Variants in ZDHHC17 observed in about 807,000 individuals in gnomAD.
The protein encoded by ZDHHC17 is zDHHC palmitoyltransferase 17.
Under a neutral mutation model 90.3 loss-of-function variants are expected in ZDHHC17, and 40 were observed. The observed-to-expected ratio is 0.44, with a 90% CI of 0.34 to 0.58. ZDHHC17 has a LOEUF of 0.58. Ranked by LOEUF, ZDHHC17 falls within the 20% of genes least tolerant of loss-of-function variation. The pLI is 0.01. For synonymous variants in ZDHHC17, 235 were observed against 252.4 expected, an observed-to-expected ratio of 0.93 and a Z score of 0.65; for missense variants, 614 against 780.8, an observed-to-expected ratio of 0.79 and a Z score of 2.55.
chr12:76,843,230 G>T (rs375325688), intron 12 of ZDHHC17, among the ~76,000 whole-genome samples: 3 of 151,972 alleles, frequency 2.0e-5, no homozygotes, highest in African/African-American at 4.8e-5. Flanking sequence ...CTCTTTTCTC[G>T]CTTAAAATGT....
intron 1 of ZDHHC17, among the ~76,000 whole-genome samples, chr12:76,774,551 A>C (rs1312887060): frequency 6.6e-6 from 1 of 152,116 alleles, no homozygotes; most frequent in Non-Finnish European, 1.5e-5. Context: ...ATTATCTGTA[A>C]ATCTCTTCTA....
Position 76,788,688 on chromosome 12 carries a change from ATT to A in ZDHHC17, c.94-8721_94-8720del, listed in dbSNP as rs763269507. Among the ~76,000 whole-genome samples, 765 of 98,636 alleles carry A rather than the reference ATT, an allele frequency of 7.8e-3. 120 individuals carry two copies. The highest frequency in any genetic ancestry group is 0.021 in the African/African-American group (525 of 25,114). The allele number at this position is 98,636 out of a possible 152,430, so 64.7% of individuals were successfully genotyped here. On this transcript the variant is annotated intron_variant, in intron 1 of 16. Coordinates refer to ENST00000426126, the MANE Select transcript of ZDHHC17 (RefSeq NM_015336.4). ...AAAATATATTTAAGTTGGAATCGCA[ATT>A]TTTTTTTTTTTTTTTTTTTTTTTTG...
intron 12 of ZDHHC17, chr12:76,844,377 C>T (rs1017974688): frequency 6.6e-6 from 1 of 152,086 alleles, no homozygotes; most frequent in African/African-American, 2.4e-5. Context: ...GTAGACAAGT[C>T]CCTAAGGCTT....
rs542799360 is a variant in ZDHHC17 at position 76,839,711 on chromosome 12, T to C, written c.1142-2271T>C. 1.1e-4 allele frequency among the ~76,000 whole-genome samples: 17 copies of C among 152,314 alleles called. No individual in the cohort carries two copies. The South Asian group carries it at 3.5e-3, about 32-fold the overall frequency. The stretch of plus-strand genomic sequence containing the variant: ...CTGTTTAAACATAAAAGCAAAAATG[T>C]AAATTAAAACGATAAAATAGCAGGT... On this transcript the variant is annotated intron_variant, in intron 10 of 16. Transcript: ENST00000426126.
chr12:76,834,002 A>G (rs1953335324), intron 10 of ZDHHC17, among the ~76,000 whole-genome samples: 1 of 152,188 alleles, frequency 6.6e-6, no homozygotes, highest in Admixed American at 6.5e-5. Flanking sequence ...TTACATAACC[A>G]CTAAAATACT....
chr12:76,773,668 A>C (rs77163037), intron 1 of ZDHHC17, among the ~76,000 whole-genome samples: 1 of 152,228 alleles, frequency 6.6e-6, no homozygotes, highest in Non-Finnish European at 1.5e-5. Context: ...TCCCAAGCCC[A>C]TAATCCTTAT....
chr12:76,817,290 G>A (rs1953100072), intron 7 of ZDHHC17, among the ~76,000 whole-genome samples: 1 of 152,074 alleles, frequency 6.6e-6, no homozygotes, highest in South Asian at 2.1e-4. Context: ...ATACTTAAAA[G>A]AAAATTATGT....
rs1953563476 is a variant in ZDHHC17, at chr12:76,851,198, A to T, written c.*213A>T. 1 of 511,580 alleles carries T rather than the reference A, an allele frequency of 2.0e-6. No individual in the cohort carries two copies. Among genetic ancestry groups the T allele is most frequent in the African/African-American group, 2.0e-5 (1 of 49,700 alleles). The allele number at this position is 511,580 out of a possible 1,614,324, so 31.7% of individuals were successfully genotyped here. On this transcript the variant is annotated 3_prime_UTR_variant, in exon 17 of 17. Transcript: ENST00000426126. The stretch of plus-strand genomic sequence containing the variant: ...ATTTCTGGGAAGAGTAAAGATGATA[A>T]AAAATAATTTTAATGGTTCTTAATG...
chr12:76,848,537 C>G, intron 15 of ZDHHC17, 147 bp downstream of exon 15: 1 of 926,840 alleles, frequency 1.1e-6, no homozygotes, highest in Non-Finnish European at 1.5e-6. Flanking sequence ...CTACCTCACT[C>G]TTTTGCCCCT....
chr12:76,812,966 T>G (rs1331514052), intron 5 of ZDHHC17, among the ~76,000 whole-genome samples: 2 of 152,098 alleles, frequency 1.3e-5, no homozygotes, highest in African/African-American at 4.8e-5. Context: ...TACCCATACG[T>G]CCAGGCTGAA....
chr12:76,777,408 G>A (rs1267714807), intron 1 of ZDHHC17, among the ~76,000 whole-genome samples: 2 of 152,186 alleles, frequency 1.3e-5, no homozygotes, highest in Non-Finnish European at 2.9e-5. Flanking sequence ...CAGTATGGAT[G>A]TACCGTGATG....
In ZDHHC17 at chr12:76,851,277, C is replaced by CA. The variant is rs1021089776; in HGVS notation, c.*299dup. Reference sequence around the variant, plus strand: ...GGTTTTGTTCTCACAGTATTTTTCACAAAAAAAGGGTAAACTTATTCTATT... The same window carrying CA: ...GGTTTTGTTCTCACAGTATTTTTCACAAAAAAAAGGGTAAACTTATTCTATT... On this transcript the variant is annotated 3_prime_UTR_variant, in exon 17 of 17. Coordinates refer to ENST00000426126, the MANE Select transcript of ZDHHC17 (RefSeq NM_015336.4). 2.1e-5 allele frequency: 7 copies of CA among 339,600 alleles called. No homozygotes were observed. The highest frequency in any genetic ancestry group is 3.2e-5 in the Non-Finnish European group (6 of 184,794). 21.0% of individuals were successfully genotyped at this position (339,600 alleles called of 1,614,324 possible). A position where few individuals can be genotyped will look rare whatever the true frequency, so the allele number is the denominator to read the frequency against.
At chr12:76,787,655 G>A (rs1431156227) in intron 1 of ZDHHC17, among the ~76,000 whole-genome samples, 2 of 151,960 alleles carry the variant, frequency 1.3e-5, no homozygotes, top group Admixed American at 6.6e-5. Flanking sequence ...TCTTGTGTGT[G>A]TGTGCGCGCG....
At chr12:76,801,977 C>T (rs771962014) in intron 2 of ZDHHC17, among the ~76,000 whole-genome samples, 15 of 152,102 alleles carry the variant, frequency 9.9e-5, no homozygotes, top group Admixed American at 3.3e-4. Context: ...AAACAAAAAG[C>T]GGAGTTACAA....
At chr12:76,783,574 A>G (rs1952651862) in intron 1 of ZDHHC17, among the ~76,000 whole-genome samples, 1 of 152,364 alleles carries the variant, frequency 6.6e-6, no homozygotes, top group African/African-American at 2.4e-5. Context: ...TGAGATTTGG[A>G]TGGGGACACA....
At chr12:76,775,129 C>T (rs983527865) in intron 1 of ZDHHC17, among the ~76,000 whole-genome samples, 3 of 152,140 alleles carry the variant, frequency 2.0e-5, no homozygotes, top group Non-Finnish European at 4.4e-5. Flanking sequence ...TGTGGTTATT[C>T]CTGATAGCAC....
intron 13 of ZDHHC17, among the ~76,000 whole-genome samples, chr12:76,846,075 G>A (rs571802721): frequency 5.9e-4 from 90 of 152,152 alleles, no homozygotes; most frequent in South Asian, 5.6e-3. Flanking sequence ...CTAGAGAGAT[G>A]AAGGCGGTAA....
intron 5 of ZDHHC17, among the ~76,000 whole-genome samples, chr12:76,810,061 T>A (rs1953001283): frequency 6.6e-6 from 1 of 152,174 alleles, no homozygotes; most frequent in Non-Finnish European, 1.5e-5. Flanking sequence ...CAGATAATGA[T>A]GAAGTTGGGT....
chr12:76,830,621 A>G (rs952367931), intron 10 of ZDHHC17, among the ~76,000 whole-genome samples: 1 of 152,166 alleles, frequency 6.6e-6, no homozygotes, highest in Non-Finnish European at 1.5e-5. Flanking sequence ...TCATTACCTC[A>G]TCTATTTTAA....
Sources: gnomAD v4.1 joint callset for allele counts (sites outside exome capture counted in the v4.1 genomes callset) on GRCh38, gnomAD v4.1.1 for gene constraint, MANE v1.5 for transcripts, NCBI Gene and HGNC (gene_info 2026-07-23, HGNC 2026-07-21) for gene names.